The following AMPD2 variants were observed in gnomAD, a reference collection of about 807,000 sequenced individuals.
AMPD2 encodes the protein adenosine monophosphate deaminase 2.
In AMPD2, 52 loss-of-function variants were observed where a neutral mutation model predicts 91.3. The observed-to-expected ratio is 0.57, with a 90% CI of 0.46 to 0.72. AMPD2 has a LOEUF of 0.72. Ranked by LOEUF, AMPD2 falls within the 30% of genes least tolerant of loss-of-function variation. The probability of loss-of-function intolerance (pLI) is 0.00; values close to 1 mark genes in which losing one functional copy is unlikely to be tolerated. For missense variants in AMPD2, 822 were observed against 1,122.3 expected, an observed-to-expected ratio of 0.73 and a Z score of 3.82; for synonymous variants, 455 against 456.4, an observed-to-expected ratio of 1.00 and a Z score of 0.04.
At chr1:109,621,348 G>T in intron 2 of AMPD2, 82 bp downstream of exon 2, 1 of 1,470,172 alleles carries the variant, frequency 6.8e-7, no homozygotes, top group Non-Finnish European at 9.4e-7. Flanking sequence ...TCCCCTCAGA[G>T]GGGGCCACCT....
Position 109,628,483 on chromosome 1 carries a change from T to C in AMPD2, c.1395T>C (p.Ala465=), listed in dbSNP as rs997789801. 8.7e-6 allele frequency: 14 copies of C among 1,612,424 alleles called. No individual in the cohort carries two copies. The highest frequency in any genetic ancestry group is 1.2e-5 in the Non-Finnish European group (14 of 1,179,986). ...TDNRVSGKYF[A]HIIKEVMSDL... is the part of the protein sequence containing the mutation. ...ACAGGGTATCTGGGAAGTACTTTGCTCACATCATCAAGGTAAGGAGGCAGC... is the reference window on the plus strand; with the variant it reads ...ACAGGGTATCTGGGAAGTACTTTGCCCACATCATCAAGGTAAGGAGGCAGC... The change falls in exon 12 of 19, where the codon GCT becomes GCC. Residue 465 remains alanine (A), a synonymous_variant. Coordinates refer to ENST00000528667, the MANE Select transcript of AMPD2 (RefSeq NM_001368809.2). This position sits in a 1 kb window ranked among gnomAD's most constrained non-coding sequence, Gnocchi z 7.1.
At position 109,630,113 on chromosome 1, in the gene AMPD2, C is replaced by T. The variant is rs935698853; in HGVS notation, c.1984-120C>T. ...TTTGACTAATTCACCCTTTGCACAT[C>T]AGGCCAAGCCTGGATTCCCCTCCCC... is the stretch of plus-strand genomic sequence containing the variant. On this transcript the variant is annotated intron_variant, in intron 16 of 18. Transcript: ENST00000528667. The T allele has an allele frequency of 5.0e-5, 68 of 1,359,286 alleles. 2 individuals carry two copies. In the Admixed American group the frequency reaches 8.6e-4, roughly 17 times the overall value. 84.2% of individuals were successfully genotyped at this position (1,359,286 alleles called of 1,614,324 possible). A position where few individuals can be genotyped will look rare whatever the true frequency, so the allele number is the denominator to read the frequency against.
In AMPD2 at chr1:109,621,205, G is replaced by A. The variant is rs369772553; in HGVS notation, c.30G>A (p.Lys10=). ...CATCCTATCCATCTGGCTCTGGCAA[G>A]CCCAAGGCCAAATATCCCTTTAAGA... is the stretch of plus-strand genomic sequence containing the variant. The part of the protein sequence containing the change: MASYPSGSG[K]PKAKYPFKKR... The change falls in exon 2 of 19, where the codon AAG becomes AAA. Residue 10 remains lysine, a synonymous_variant. Coordinates refer to ENST00000528667, the MANE Select transcript of AMPD2 (RefSeq NM_001368809.2). The A allele has an allele frequency of 4.3e-6, 7 of 1,609,698 alleles. No homozygotes were observed. In the African/African-American group the frequency reaches 8.0e-5, roughly 18 times the overall value.
At chr1:109,622,387 G>T in intron 2 of AMPD2, 1 of 439,532 alleles carries the variant, frequency 2.3e-6, no homozygotes, top group South Asian at 1.6e-5. Flanking sequence ...GGTCAAAGCC[G>T]TGGACACCCC....
chr1:109,627,283 T>C lies in AMPD2; in HGVS notation c.827T>C (p.Val276Ala), dbSNP rs1650776657. Reference protein sequence around the residue: ...GLGLRMVRGVVHVYTRREPDE... With the variant: ...GLGLRMVRGVAHVYTRREPDE... Reference sequence around the variant, plus strand: ...GGTCTGCGCATGGTGCGGGGTGTGGTGCACGTCTACACCCGCAGGGAACCC... The same window carrying C: ...GGTCTGCGCATGGTGCGGGGTGTGGCGCACGTCTACACCCGCAGGGAACCC... The change falls in exon 8 of 19, where the codon GTG (valine) becomes GCG (alanine). Residue 276 changes from valine (V) to alanine (A), a missense_variant. This residue lies in a region of AMPD2 where 240 missense variants were observed against 270.3 expected (regional missense o/e 0.89). Coordinates refer to ENST00000528667, the MANE Select transcript of AMPD2 (RefSeq NM_001368809.2). 1.9e-6 allele frequency: 3 copies of C among 1,606,662 alleles called. No individual in the cohort carries two copies. The highest frequency in any genetic ancestry group is 2.2e-5 in the East Asian group (1 of 44,780).
Position 109,628,723 on chromosome 1 carries a change from G to A in AMPD2, c.1488G>A (p.Glu496=). The part of the protein sequence containing the change: ...RLSIYGRSRD[E]WDKLARWAVM... ...CCATTTACGGGCGCTCGAGGGATGA[G>A]TGGGACAAGCTGGCGCGCTGGGCCG... The change falls in exon 13 of 19, where the codon GAG becomes GAA. Residue 496 remains glutamate, a synonymous_variant. Transcript: ENST00000528667. This position sits in a 1 kb window ranked among gnomAD's most constrained non-coding sequence, Gnocchi z 7.1. 6.2e-7 allele frequency: 1 copy of A among 1,611,946 alleles called. No homozygotes were observed. Among genetic ancestry groups the A allele is most frequent in the Admixed American group, 1.7e-5 (1 of 59,768 alleles).
chr1:109,631,894 G>A lies in AMPD2; in HGVS notation c.*742G>A, dbSNP rs947338875. ...AGTCCTGGATCTGCCACTCAACCCC[G>A]GGAGTGGTGTTCCCAGTGTGGCTCC... On this transcript the variant is annotated 3_prime_UTR_variant, in exon 19 of 19. Coordinates refer to ENST00000528667, the MANE Select transcript of AMPD2 (RefSeq NM_001368809.2). The A allele has an allele frequency of 6.5e-6, 1 of 153,822 alleles. No homozygotes were observed. The highest frequency in any genetic ancestry group is 1.4e-5 in the Non-Finnish European group (1 of 69,074). The allele number at this position is 153,822 out of a possible 1,614,324, so 9.5% of individuals were successfully genotyped here.
Position 109,628,410 on chromosome 1 carries a change from A to T in AMPD2, c.1322A>T (p.Asn441Ile). 4 of 1,613,826 alleles carry T rather than the reference A, an allele frequency of 2.5e-6. No individual in the cohort carries two copies. Among genetic ancestry groups the T allele is most frequent in the Non-Finnish European group, 3.4e-6 (4 of 1,180,000 alleles). The change falls in exon 12 of 19, where the codon AAC (asparagine) becomes ATC (isoleucine). Residue 441 changes from asparagine (N) to isoleucine (I), a missense_variant. Transcript: ENST00000528667. This position sits in a 1 kb window ranked among gnomAD's most constrained non-coding sequence, Gnocchi z 7.1. ...TTTGACAAGTTTAATGCCAAATACA[A>T]CCCTATTGGGGAGTCCGTCCTCCGA... Reference protein sequence around the residue: ...HRFDKFNAKYNPIGESVLREI... With the variant: ...HRFDKFNAKYIPIGESVLREI...
Position 109,624,972 on chromosome 1 carries a change from C to G in AMPD2, c.92-331C>G, listed in dbSNP as rs1270519787. Reference sequence around the variant, plus strand: ...ATGTGTGTGCACACGTACACACGTGCACCTGCCTCTGGGAGGTAGTCACGT... The same window carrying G: ...ATGTGTGTGCACACGTACACACGTGGACCTGCCTCTGGGAGGTAGTCACGT... On this transcript the variant is annotated intron_variant, in intron 2 of 18. Coordinates refer to ENST00000528667, the MANE Select transcript of AMPD2 (RefSeq NM_001368809.2). This position sits in a 1 kb window ranked among gnomAD's most constrained non-coding sequence, Gnocchi z 5.2. Among the ~76,000 whole-genome samples the G allele has an allele frequency of 6.6e-6, 1 of 152,150 alleles. No individual in the cohort carries two copies. Among genetic ancestry groups the G allele is most frequent in the East Asian group, 1.9e-4 (1 of 5,180 alleles).
chr1:109,620,522 A>T, intron 1 of AMPD2: 3 of 1,232,824 alleles, frequency 2.4e-6, no homozygotes, highest in Non-Finnish European at 3.1e-6. Context: ...CCTTCCTGGG[A>T]GGTAGCTATT....
rs138349592 is a variant in AMPD2, at chr1:109,622,083, CCTGA to C, written c.91+820_91+823del. 2,398 of 400,504 alleles carry C rather than the reference CCTGA, an allele frequency of 6.0e-3. 56 individuals carry two copies. Among genetic ancestry groups the C allele is most frequent in the African/African-American group, 0.044 (2,160 of 48,712 alleles). The allele number at this position is 400,504 out of a possible 1,614,324, so 24.8% of individuals were successfully genotyped here. A position where few individuals can be genotyped will look rare whatever the true frequency, so the allele number is the denominator to read the frequency against. On this transcript the variant is annotated intron_variant, in intron 2 of 18. Transcript: ENST00000528667. Reference sequence around the variant, plus strand: ...GCCTTGTGGCTAAGGAAAGACCCACCCTGACTTTGATGACCAGATCATGCCGACT... The same window carrying C: ...GCCTTGTGGCTAAGGAAAGACCCACCCTTTGATGACCAGATCATGCCGACT...
intron 2 of AMPD2, among the ~76,000 whole-genome samples, chr1:109,622,746 G>GA (rs905632949): frequency 2.6e-5 from 4 of 152,198 alleles, no homozygotes; most frequent in Admixed American, 2.0e-4. Context: ...TGGAGCCTGA[G>GA]ACCCCCCTGC....
Position 109,625,646 on chromosome 1 carries a change from C to T in AMPD2, c.223-16C>T. 1 of 1,612,248 alleles carries T rather than the reference C, an allele frequency of 6.2e-7. No homozygotes were observed. The highest frequency in any genetic ancestry group is 8.5e-7 in the Non-Finnish European group (1 of 1,178,552). On this transcript the variant is annotated splice_polypyrimidine_tract_variant and intron_variant, in intron 3 of 18. Coordinates refer to ENST00000528667, the MANE Select transcript of AMPD2 (RefSeq NM_001368809.2). The surrounding 1 kb of genome is among the most constrained non-coding windows in gnomAD (Gnocchi z 4.0). The stretch of plus-strand genomic sequence containing the variant: ...GCGGAGGGCCAGCCATGCTGACCTT[C>T]CTTCCCTCCCCCCAGGAGCTGTTCA...
In AMPD2 at chr1:109,631,564, CCGAGG is replaced by C; in HGVS notation, c.*413_*417del. On this transcript the variant is annotated 3_prime_UTR_variant, in exon 19 of 19. Transcript: ENST00000528667. ...TTAGGCCCCTGTCTTGTTCATGTAGCCGAGGGGCAGGCGGGGGACCTCTACACCTC... is the reference window on the plus strand; with the variant it reads ...TTAGGCCCCTGTCTTGTTCATGTAGCGGCAGGCGGGGGACCTCTACACCTC... The C allele has an allele frequency of 2.2e-5, 6 of 271,084 alleles. No homozygotes were observed. Among genetic ancestry groups the C allele is most frequent in the South Asian group, 7.9e-5 (2 of 25,470 alleles). The allele number at this position is 271,084 out of a possible 1,614,324, so 16.8% of individuals were successfully genotyped here. A position where few individuals can be genotyped will look rare whatever the true frequency, so the allele number is the denominator to read the frequency against.
In AMPD2 at chr1:109,630,676, C is replaced by G; in HGVS notation, c.2158-7C>G. 3.1e-6 allele frequency: 5 copies of G among 1,607,472 alleles called. No homozygotes were observed. The highest frequency in any genetic ancestry group is 1.3e-5 in the African/African-American group (1 of 74,890). ...CGCACTCGTCTGAGGGAACCTGGCC[C>G]GTGCAGGAGCCGCTGATGGAGGAGT... On this transcript the variant is annotated splice_polypyrimidine_tract_variant and splice_region_variant and intron_variant, in intron 17 of 18. Transcript: ENST00000528667.
chr1:109,621,200 G>A lies in AMPD2; in HGVS notation c.25G>A (p.Gly9Ser). The A allele has an allele frequency of 6.2e-7, 1 of 1,608,684 alleles. No individual in the cohort carries two copies. The highest frequency in any genetic ancestry group is 1.7e-4 in the Middle Eastern group (1 of 6,052). Residue 9 changes from glycine (G) to serine (S), a missense_variant, in exon 2 of 19, where the codon GGC becomes AGC. By Grantham distance (56) the Gly-to-Ser change is moderately conservative. Transcript: ENST00000528667. ...CATGGCATCCTATCCATCTGGCTCT[G>A]GCAAGCCCAAGGCCAAATATCCCTT... MASYPSGS[G>S]KPKAKYPFKK...
rs1651306005 is a variant in AMPD2 at position 109,631,972 on chromosome 1, C to T, written c.*820C>T. The T allele has an allele frequency of 6.5e-6, 1 of 152,790 alleles. No individual in the cohort carries two copies. The highest frequency in any genetic ancestry group is 6.5e-5 in the Admixed American group (1 of 15,286). 9.5% of individuals were successfully genotyped at this position (152,790 alleles called of 1,614,324 possible). ...GCTGGCCCCTATGTTGTGTTCTGGA[C>T]TGAGGCCTTTGCTGTGAACTGCAGT... On this transcript the variant is annotated 3_prime_UTR_variant, in exon 19 of 19. Transcript: ENST00000528667.
chr1:109,630,264 C>T lies in AMPD2; in HGVS notation c.2015C>T (p.Ala672Val). 2 of 1,613,652 alleles carry T rather than the reference C, an allele frequency of 1.2e-6. No homozygotes were observed. Among genetic ancestry groups the T allele is most frequent in the Non-Finnish European group, 1.7e-6 (2 of 1,180,018 alleles). Residue 672 changes from alanine (A) to valine (V), a missense_variant, in exon 17 of 19, where the codon GCC becomes GTC. Coordinates refer to ENST00000528667, the MANE Select transcript of AMPD2 (RefSeq NM_001368809.2). ...APVLQYLYYL[A>V]QIGIAMSPLS... The stretch of plus-strand genomic sequence containing the variant: ...GTCCTGCAGTACCTGTACTACCTGG[C>T]CCAGATCGGCATCGCCATGTCTCCG...
intron 15 of AMPD2, 35 bp from the exon 16 acceptor site, chr1:109,629,760 AG>A (rs1178369815): frequency 6.4e-7 from 1 of 1,554,250 alleles, no homozygotes; most frequent in African/African-American, 1.4e-5. Context: ...AGGTGATCCC[AG>A]GCTCAGGAGC....
Sources: allele counts gnomAD v4.1 joint callset (sites outside exome capture counted in the v4.1 genomes callset), GRCh38; gene constraint gnomAD v4.1.1; regional missense constraint gnomAD v4.1.1; non-coding constraint Gnocchi (gnomAD v3.1); transcripts MANE v1.5; gene names NCBI Gene and HGNC (gene_info 2026-07-23, HGNC 2026-07-21).